The following ADGRL2 variants were observed in gnomAD, a reference collection of about 807,000 sequenced individuals.
The protein encoded by ADGRL2 is calcium-independent alpha-latrotoxin receptor 2.
In ADGRL2, 44 loss-of-function variants were observed where a neutral mutation model predicts 157.4. The observed-to-expected ratio is 0.28, with a 90% CI of 0.22 to 0.36. ADGRL2 has a LOEUF of 0.36. Among genes scored for constraint, ADGRL2 ranks in the 10% least tolerant of loss-of-function variants. The pLI, the probability that ADGRL2 is intolerant of heterozygous loss-of-function variation, is 1.00. For synonymous variants in ADGRL2, 585 were observed against 624.7 expected, an observed-to-expected ratio of 0.94 and a Z score of 0.95; for missense variants, 1,510 against 1,768.9, an observed-to-expected ratio of 0.85 and a Z score of 2.63.
chr1:81,586,873 C>A (rs2081037063), intron 3 of ADGRL2, among the ~76,000 whole-genome samples: 1 of 152,040 alleles, frequency 6.6e-6, no homozygotes, highest in Non-Finnish European at 1.5e-5. Flanking sequence ...TTTCTTAACC[C>A]TCCTTTGTTA....
intron 3 of ADGRL2, among the ~76,000 whole-genome samples, chr1:81,682,535 T>C (rs1039736119): frequency 6.6e-6 from 1 of 152,212 alleles, no homozygotes; most frequent in Non-Finnish European, 1.5e-5. Context: ...GCATGTCATC[T>C]GGCTTAAACA....
chr1:81,668,600 G>A (rs1381688420), intron 3 of ADGRL2, among the ~76,000 whole-genome samples: 2 of 152,026 alleles, frequency 1.3e-5, no homozygotes, highest in African/African-American at 4.8e-5. Context: ...GTCTCACTCT[G>A]TCACCCAGGC....
intron 15 of ADGRL2, 24 bp from the exon 16 acceptor site, chr1:81,970,290 G>GT (rs750659209): frequency 6.5e-7 from 1 of 1,548,202 alleles, no homozygotes. Flanking sequence ...TTTCTTTTGT[G>GT]TTTTTTGTTC....
chr1:81,320,978 A>T (rs1660462765), intron 1 of ADGRL2, among the ~76,000 whole-genome samples: 1 of 152,222 alleles, frequency 6.6e-6, no homozygotes, highest in Non-Finnish European at 1.5e-5. Context: ...TGTTTCCAAT[A>T]TAAGGCTGTT....
At chr1:81,532,973 A>ATCTATCG (rs2079641705) in intron 2 of ADGRL2, among the ~76,000 whole-genome samples, 1 of 112,950 alleles carries the variant, frequency 8.9e-6, no homozygotes, top group African/African-American at 3.3e-5. Flanking sequence ...TCTATCTATC[A>ATCTATCG]TCTATCTATC....
intron 1 of ADGRL2, among the ~76,000 whole-genome samples, chr1:81,379,750 C>T (rs1378498155): frequency 6.6e-6 from 1 of 152,170 alleles, no homozygotes; most frequent in Admixed American, 6.5e-5. Context: ...TGTCTTCTTC[C>T]GCTAATGTGT....
chr1:81,860,370 T>C (rs913824305), intron 2 of ADGRL2, among the ~76,000 whole-genome samples: 2 of 152,124 alleles, frequency 1.3e-5, no homozygotes, highest in African/African-American at 4.8e-5. Context: ...AGAGACAGGG[T>C]TTCTCTATGT....
chr1:81,612,351 T>C (rs78091858), intron 3 of ADGRL2, among the ~76,000 whole-genome samples: 19,105 of 152,138 alleles, frequency 0.13, 1,662 homozygotes, highest in Non-Finnish European at 0.18. Context: ...CTGGGCACCA[T>C]CAGGGCCTGG....
intron 1 of ADGRL2, among the ~76,000 whole-genome samples, chr1:81,334,778 T>A (rs1190507325): frequency 6.6e-6 from 1 of 152,226 alleles, no homozygotes; most frequent in Non-Finnish European, 1.5e-5. Context: ...GAAGTCATTA[T>A]CACACATTGA....
intron 1 of ADGRL2, among the ~76,000 whole-genome samples, chr1:81,315,166 G>T (rs780868380): frequency 1.1e-4 from 17 of 151,972 alleles, no homozygotes; most frequent in Non-Finnish European, 1.6e-4. Context: ...TTACGTAAAG[G>T]TCACTGTCAT....
intron 3 of ADGRL2, among the ~76,000 whole-genome samples, chr1:81,622,232 G>T (rs6691253): frequency 1.3e-5 from 2 of 152,104 alleles, no homozygotes; most frequent in South Asian, 4.1e-4. Flanking sequence ...CCATTATTCC[G>T]CTGGTCTTAT....
chr1:81,985,196 T>A, intron 20 of ADGRL2, 63 bp from the exon 21 acceptor site: 1 of 947,312 alleles, frequency 1.1e-6, no homozygotes, highest in Non-Finnish European at 1.7e-6. Flanking sequence ...CTTGTATGTC[T>A]TTAATAAGGT....
intron 1 of ADGRL2, among the ~76,000 whole-genome samples, chr1:81,760,729 T>G (rs1016400630): frequency 4.5e-4 from 69 of 152,016 alleles, no homozygotes; most frequent in African/African-American, 1.5e-3. Context: ...TACTTTTTTT[T>G]TTTTTTAGCA....
intron 1 of ADGRL2, among the ~76,000 whole-genome samples, chr1:81,716,518 C>A (rs1336834360): frequency 1.3e-5 from 2 of 152,042 alleles, no homozygotes; most frequent in Non-Finnish European, 2.9e-5. Context: ...ACCTTATAGA[C>A]CAACAACAAA....
chr1:81,759,405 C>T (rs1254708338), intron 1 of ADGRL2, among the ~76,000 whole-genome samples: 1 of 152,060 alleles, frequency 6.6e-6, no homozygotes, highest in Non-Finnish European at 1.5e-5. Context: ...TTAGAAAGAG[C>T]TTAGATCACT....
At chr1:81,549,122 C>T (rs901341984) in intron 2 of ADGRL2, among the ~76,000 whole-genome samples, 12 of 152,162 alleles carry the variant, frequency 7.9e-5, no homozygotes, top group African/African-American at 2.9e-4. Flanking sequence ...TTTGCAACGG[C>T]ACCAGGATGT....
intron 2 of ADGRL2, among the ~76,000 whole-genome samples, chr1:81,786,393 C>T (rs1173092551): frequency 6.6e-6 from 1 of 152,130 alleles, no homozygotes; most frequent in Non-Finnish European, 1.5e-5. Context: ...CCCTGGACAA[C>T]ATGGTAAAAC....
At chr1:81,627,653 T>C (rs2081936407) in intron 3 of ADGRL2, among the ~76,000 whole-genome samples, 1 of 152,190 alleles carries the variant, frequency 6.6e-6, no homozygotes, top group South Asian at 2.1e-4. Context: ...TCTGGAACTG[T>C]ATCATTTTCT....
At chr1:81,809,351 A>G (rs963330470) in intron 1 of ADGRL2, among the ~76,000 whole-genome samples, 3 of 152,016 alleles carry the variant, frequency 2.0e-5, no homozygotes, top group African/African-American at 4.8e-5. Flanking sequence ...TTCCTGAAAT[A>G]TGTGACCAAG....
Sources: gnomAD v4.1 joint callset for allele counts (sites outside exome capture counted in the v4.1 genomes callset) on GRCh38, gnomAD v4.1.1 for gene constraint, MANE v1.5 for transcripts, NCBI Gene and HGNC (gene_info 2026-07-23, HGNC 2026-07-21) for gene names.